Variants in HS6ST2 observed in about 807,000 individuals in gnomAD.
HS6ST2 encodes heparan-sulfate 6-O-sulfotransferase 2.
HS6ST2 carries 17 observed loss-of-function variants against 33.0 expected under a neutral mutation model. The observed-to-expected ratio is 0.52, with a 90% CI of 0.35 to 0.77. The LOEUF is 0.77. HS6ST2 is among the 30% of genes least tolerant of loss of function. The probability of loss-of-function intolerance (pLI) is 0.01; values close to 1 mark genes in which losing one functional copy is unlikely to be tolerated. For missense variants in HS6ST2, 519 were observed against 551.7 expected, an observed-to-expected ratio of 0.94 and a Z score of 0.59; for synonymous variants, 248 against 237.1, an observed-to-expected ratio of 1.05 and a Z score of -0.42.
rs1046053200 is a variant in HS6ST2, at chrX:132,878,854, C to T, written c.947+77954G>A. ...GACTCTAATATAGAGCACCACAAAACGCTTCCCTGGCACCCTGAGCTAGTC... is the reference window on the plus strand; with the variant it reads ...GACTCTAATATAGAGCACCACAAAATGCTTCCCTGGCACCCTGAGCTAGTC... On this transcript the variant is annotated intron_variant, in intron 2 of 4. Transcript: ENST00000370833. Among the ~76,000 whole-genome samples, 21 of 111,137 alleles carry T rather than the reference C, an allele frequency of 1.9e-4. 1 individual carries two copies. Among genetic ancestry groups the T allele is most frequent in the East Asian group, 5.7e-4 (2 of 3,519 alleles).
chrX:132,887,620 C>T (rs986194055), intron 2 of HS6ST2, among the ~76,000 whole-genome samples: 1 of 111,964 alleles, frequency 8.9e-6, no homozygotes, highest in Non-Finnish European at 1.9e-5. Context: ...CACACACTTA[C>T]CATATAACCC....
intron 2 of HS6ST2, among the ~76,000 whole-genome samples, chrX:132,730,140 A>T (rs920779238): frequency 3.6e-5 from 4 of 111,831 alleles, no homozygotes; most frequent in Admixed American, 9.5e-5. Flanking sequence ...AGAAGAGCAG[A>T]AGAGCTGGGG....
In HS6ST2 at chrX:132,958,292, C is replaced by G; in HGVS notation, c.311G>C (p.Arg104Pro). Reference sequence around the variant, plus strand: ...CCGGCAGAGGGAGCCCAGGTCCCAGCGTCGCCTGAGGACGTGCATCCGCCT... The same window carrying G: ...CCGGCAGAGGGAGCCCAGGTCCCAGGGTCGCCTGAGGACGTGCATCCGCCT... ...RRRRMHVLRR[R>P]WDLGSLCRAL... The change falls in exon 1 of 5, where the codon CGC becomes CCC. Residue 104 changes from arginine (R) to proline (P), a missense_variant. By Grantham distance (103) the Arg-to-Pro change is moderately radical (BLOSUM62 -2). Coordinates refer to ENST00000370833, the MANE Select transcript of HS6ST2 (RefSeq NM_001394073.1). 8.4e-7 allele frequency: 1 copy of G among 1,193,373 alleles called. No homozygotes were observed. The highest frequency in any genetic ancestry group is 2.2e-5 in the Admixed American group (1 of 45,236).
intron 2 of HS6ST2, among the ~76,000 whole-genome samples, chrX:132,888,448 G>T (rs1053989366): frequency 8.9e-6 from 1 of 111,749 alleles, no homozygotes; most frequent in Non-Finnish European, 1.9e-5. Context: ...CTCCCACCAG[G>T]TCCCTCCCAC....
intron 2 of HS6ST2, among the ~76,000 whole-genome samples, chrX:132,842,007 AT>A (rs1244060140): frequency 8.9e-6 from 1 of 112,150 alleles, no homozygotes; most frequent in Non-Finnish European, 1.9e-5. Context: ...CAATGAAGAC[AT>A]GATATCAAAC....
chrX:132,683,418 A>G (rs987116202), intron 3 of HS6ST2, among the ~76,000 whole-genome samples: 3 of 111,826 alleles, frequency 2.7e-5, no homozygotes, highest in Non-Finnish European at 5.6e-5. Context: ...AAATTAGCAG[A>G]TAGAACAGAG....
intron 2 of HS6ST2, among the ~76,000 whole-genome samples, chrX:132,911,386 A>G (rs189251290): frequency 1.2e-3 from 135 of 111,346 alleles, no homozygotes; most frequent in Non-Finnish European, 1.5e-3. Context: ...CCAACAAAGC[A>G]GTAATTGTCC....
At chrX:132,705,248 C>T (rs750271027) in intron 3 of HS6ST2, among the ~76,000 whole-genome samples, 1 of 108,087 alleles carries the variant, frequency 9.3e-6, no homozygotes, top group African/African-American at 3.4e-5. Context: ...ACAAAGGAAA[C>T]CTAAGGAATG....
At chrX:132,643,287 C>T (rs1324441176) in intron 4 of HS6ST2, among the ~76,000 whole-genome samples, 1 of 110,719 alleles carries the variant, frequency 9.0e-6, no homozygotes, top group Admixed American at 9.6e-5. Context: ...CCATTTTACT[C>T]ATCATGGTTG....
chrX:132,913,359 A>G (rs2066552324), intron 2 of HS6ST2, among the ~76,000 whole-genome samples: 1 of 112,305 alleles, frequency 8.9e-6, no homozygotes, highest in African/African-American at 3.2e-5. Flanking sequence ...AGCTGTTAAC[A>G]CACCCCTGTT....
At chrX:132,918,828 T>G (rs1167949092) in intron 2 of HS6ST2, among the ~76,000 whole-genome samples, 1 of 112,066 alleles carries the variant, frequency 8.9e-6, no homozygotes, top group Non-Finnish European at 1.9e-5. Context: ...CCCTGCTAAC[T>G]CTTCTGATGA....
intron 1 of HS6ST2, among the ~76,000 whole-genome samples, 180 bp from the exon 2 acceptor site, chrX:132,957,506 C>G (rs1362434808): frequency 9.1e-6 from 1 of 109,957 alleles, no homozygotes; most frequent in Non-Finnish European, 1.9e-5. Context: ...CCTTCCTTCC[C>G]GGCAGGCTCA....
At chrX:132,711,907 A>C (rs2064234004) in intron 2 of HS6ST2, among the ~76,000 whole-genome samples, 1 of 111,658 alleles carries the variant, frequency 9.0e-6, no homozygotes, top group African/African-American at 3.3e-5. Context: ...CTTTCTGTTC[A>C]TGCAGGTTCT....
At chrX:132,831,087 A>G (rs866202622) in intron 2 of HS6ST2, among the ~76,000 whole-genome samples, 1 of 111,373 alleles carries the variant, frequency 9.0e-6, no homozygotes, top group African/African-American at 3.3e-5. Flanking sequence ...TTTTTCCAGA[A>G]CTTTCAATAA....
chrX:132,952,955 C>T (rs1348948022), intron 2 of HS6ST2, among the ~76,000 whole-genome samples: 1 of 111,788 alleles, frequency 8.9e-6, no homozygotes. Context: ...TAGGGTACAA[C>T]ATGAATATGA....
At chrX:132,863,402 C>T (rs918801250) in intron 2 of HS6ST2, among the ~76,000 whole-genome samples, 3 of 111,323 alleles carry the variant, frequency 2.7e-5, no homozygotes, top group African/African-American at 9.8e-5. Context: ...TCACTGCAGC[C>T]CCCAATTCCT....
chrX:132,646,792 G>T (rs2063647890), intron 4 of HS6ST2, among the ~76,000 whole-genome samples: 1 of 111,401 alleles, frequency 9.0e-6, no homozygotes, highest in Non-Finnish European at 1.9e-5. Context: ...AAGAAAAGAG[G>T]TTTAATGGAC....
At chrX:132,838,678 A>G (rs1004464580) in intron 2 of HS6ST2, among the ~76,000 whole-genome samples, 2 of 111,466 alleles carry the variant, frequency 1.8e-5, no homozygotes, top group African/African-American at 3.3e-5. Flanking sequence ...ACACTTGACT[A>G]TAGAAAAAGT....
At chrX:132,771,795 T>C (rs995182387) in intron 2 of HS6ST2, among the ~76,000 whole-genome samples, 2 of 111,943 alleles carry the variant, frequency 1.8e-5, no homozygotes, top group African/African-American at 6.5e-5. Context: ...ATAATGAGAC[T>C]TGAAGATACT....
Sources: gnomAD v4.1 joint callset for allele counts (sites outside exome capture counted in the v4.1 genomes callset) on GRCh38, gnomAD v4.1.1 for gene constraint, MANE v1.5 for transcripts, NCBI Gene and HGNC (gene_info 2026-07-23, HGNC 2026-07-21) for gene names.